The following PCF11 variants were observed in gnomAD, a reference collection of about 807,000 sequenced individuals.
The protein encoded by PCF11 is PCF11 cleavage and polyadenylation factor subunit, also known as pre-mRNA cleavage complex 2 protein Pcf11.
In PCF11, 19 loss-of-function variants were observed where a neutral mutation model predicts 166.1. That is an observed-to-expected ratio of 0.11 (90% CI 0.08 to 0.17). PCF11 has a LOEUF of 0.17. PCF11 is among the 10% of genes least tolerant of loss of function. The probability of loss-of-function intolerance (pLI) is 1.00; values close to 1 mark genes in which losing one functional copy is unlikely to be tolerated. For synonymous variants in PCF11, 663 were observed against 644.1 expected (o/e 1.03, Z -0.44); for missense variants, 1,565 against 1,855.5 (o/e 0.84, Z 2.88).
chr11:83,182,329 G>C (rs1311371125), intron 13 of PCF11, 70 bp from the exon 14 acceptor site: 2 of 803,696 alleles, frequency 2.5e-6, no homozygotes. Flanking sequence ...AACAGTGTTT[G>C]TATATTTTTA....
exon 5 of PCF11, chr11:83,166,312 G>A (rs767414285): frequency 6.2e-7 from 1 of 1,613,462 alleles, no homozygotes; most frequent in African/African-American, 1.3e-5. Context: ...ACAAAACCAG[G>A]GAGATCGAGT....
In PCF11 at chr11:83,169,208, G is replaced by A. The variant is rs540665756; in HGVS notation, c.2873G>A (p.Gly958Asp). Reference sequence around the variant, plus strand: ...CAAGGGGTTGGAATGAGGTTTGAGGGCCCCCATGGTCAGTCAGTAGCTGGT... The same window carrying A: ...CAAGGGGTTGGAATGAGGTTTGAGGACCCCCATGGTCAGTCAGTAGCTGGT... The change falls in exon 8 of 16, where the codon GGC becomes GAC. Residue 958 changes from glycine to aspartate, a missense_variant. By Grantham distance (94) the Gly-to-Asp change is moderately conservative. Around this residue, in one of 12 missense-constraint regions of PCF11, gnomAD observed 725 missense variants for 749.3 expected, o/e 0.97. Coordinates refer to ENST00000298281, the Ensembl canonical transcript of PCF11. 34 of 1,613,584 alleles carry A rather than the reference G, an allele frequency of 2.1e-5. No homozygotes were observed. In the East Asian group the frequency reaches 7.1e-4, roughly 34 times the overall value.
chr11:83,162,714 G>A (rs1860304555), intron 2 of PCF11, among the ~76,000 whole-genome samples: 1 of 152,162 alleles, frequency 6.6e-6, no homozygotes. Context: ...CTATCCTAAT[G>A]TTGAAAATCT....
intron 1 of PCF11, among the ~76,000 whole-genome samples, chr11:83,161,013 C>T (rs970519248): frequency 1.2e-4 from 18 of 152,138 alleles, no homozygotes; most frequent in Non-Finnish European, 2.5e-4. Flanking sequence ...AATTTTCCCT[C>T]GCCTCCTCCT....
At chr11:83,185,688 ATGTT>A (rs1326143619) in exon 16 of PCF11, 2 of 152,606 alleles carry the variant, frequency 1.3e-5, no homozygotes, top group Non-Finnish European at 2.9e-5. Context: ...ATCTGTAAGA[ATGTT>A]TGCTTGAGAT....
At chr11:83,169,706 T>A (rs1374401007) in exon 8 of PCF11, 1 of 1,613,858 alleles carries the variant, frequency 6.2e-7, no homozygotes, top group African/African-American at 1.3e-5. Flanking sequence ...TCACAAAGGC[T>A]TGAATCAGTA....
intron 1 of PCF11, 42 bp from the exon 2 acceptor site, chr11:83,161,285 G>T: frequency 1.3e-6 from 2 of 1,506,934 alleles, no homozygotes; most frequent in South Asian, 2.5e-5. Context: ...ATTATTTGGT[G>T]GTAATTCATT....
intron 1 of PCF11, 56 bp downstream of exon 1, chr11:83,157,687 C>G: frequency 1.4e-6 from 2 of 1,481,442 alleles, no homozygotes; most frequent in Non-Finnish European, 1.9e-6. Flanking sequence ...ATTTTAGTGT[C>G]AGCCTCATCC....
chr11:83,182,601 C>A, intron 14 of PCF11, 110 bp downstream of exon 14: 1 of 634,154 alleles, frequency 1.6e-6, no homozygotes, highest in Non-Finnish European at 2.8e-6. Context: ...GATTTTTGGT[C>A]TTAATAAAAA....
chr11:83,185,647 G>A (rs1861262280), exon 16 of PCF11: 1 of 152,490 alleles, frequency 6.6e-6, no homozygotes. Flanking sequence ...ATTTAATGCA[G>A]ATGAACATAT....
chr11:83,165,458 A>G (rs1860412905), intron 4 of PCF11, 142 bp from the exon 5 acceptor site: 1 of 549,106 alleles, frequency 1.8e-6, no homozygotes, highest in African/African-American at 1.9e-5. Context: ...ATCTCAATTT[A>G]TACATTATAA....
chr11:83,181,829 C>T, intron 12 of PCF11, 25 bp from the exon 13 acceptor site: 1 of 1,534,566 alleles, frequency 6.5e-7, no homozygotes, highest in Non-Finnish European at 8.8e-7. Flanking sequence ...ATGGAATAAT[C>T]TTTTAAAAAT....
At chr11:83,178,379 G>A (rs1860958799) in intron 11 of PCF11, among the ~76,000 whole-genome samples, 1 of 151,810 alleles carries the variant, frequency 6.6e-6, no homozygotes, top group South Asian at 2.1e-4. Flanking sequence ...TAAATATTAG[G>A]TATTGATAAT....
Position 83,169,251 on chromosome 11 carries a change from A to G in PCF11, c.2916A>G (p.Gln972=), listed in dbSNP as rs757440034. 4.3e-6 allele frequency: 7 copies of G among 1,613,426 alleles called. No homozygotes were observed. The East Asian group carries it at 6.7e-5, about 15-fold the overall frequency. ...TAGCTGGTCTGAGATTTGAGGGACAACATAATCAACTTGGTGGGAACCTTA... is the reference window on the plus strand; with the variant it reads ...TAGCTGGTCTGAGATTTGAGGGACAGCATAATCAACTTGGTGGGAACCTTA... Residue 972 remains glutamine, a synonymous_variant, in exon 8 of 16, where the codon CAA becomes CAG. Coordinates refer to ENST00000298281, the Ensembl canonical transcript of PCF11.
intron 9 of PCF11, among the ~76,000 whole-genome samples, chr11:83,173,284 G>A (rs867811939): frequency 4.6e-5 from 7 of 152,010 alleles, no homozygotes; most frequent in African/African-American, 1.7e-4. Context: ...GTGAAACCTC[G>A]TCTCTACTAA....
chr11:83,157,339 C>T, exon 1 of PCF11: 3 of 1,100,714 alleles, frequency 2.7e-6, no homozygotes, highest in Non-Finnish European at 3.9e-6. Context: ...GCCGGAGCCG[C>T]GAGAGAGCCG....
At chr11:83,169,660 C>G (rs1202596167) in exon 8 of PCF11, 1 of 1,613,986 alleles carries the variant, frequency 6.2e-7, no homozygotes, top group Non-Finnish European at 8.5e-7. Flanking sequence ...TGATATTCCT[C>G]TTGGTCTTCA....
intron 1 of PCF11, among the ~76,000 whole-genome samples, chr11:83,160,349 T>G: frequency 7.2e-6 from 1 of 138,320 alleles, no homozygotes; most frequent in East Asian, 2.0e-4. Flanking sequence ...TTTTTGTCTT[T>G]TTTTTTTATT....
At chr11:83,169,639 G>A (rs747061388) in exon 8 of PCF11, 5 of 1,613,846 alleles carry the variant, frequency 3.1e-6, no homozygotes, top group East Asian at 2.2e-5. Flanking sequence ...ACATCAGCAA[G>A]CATCAAGGTT....
Sources: gnomAD v4.1 joint callset for allele counts (sites outside exome capture counted in the v4.1 genomes callset) on GRCh38, gnomAD v4.1.1 for gene constraint, gnomAD v4.1.1 regional missense constraint, MANE v1.5 for transcripts, NCBI Gene and HGNC (gene_info 2026-07-23, HGNC 2026-07-21) for gene names.